Variants in CFAP20DC observed in about 807,000 individuals in gnomAD.
The protein encoded by CFAP20DC is protein CFAP20DC.
Under a neutral mutation model 101.7 loss-of-function variants are expected in CFAP20DC, and 84 were observed. The ratio of observed to expected loss-of-function variants is 0.83; its 90% CI spans 0.69 to 0.99. CFAP20DC has a LOEUF of 0.99. Ranked by LOEUF, CFAP20DC falls within the 50% of genes least tolerant of loss-of-function variation. CFAP20DC has a pLI of 0.00. For synonymous variants in CFAP20DC, 359 were observed against 351.2 expected (o/e 1.02, Z -0.25); for missense variants, 1,007 against 970.3 (o/e 1.04, Z -0.50).
intron 6 of CFAP20DC, among the ~76,000 whole-genome samples, chr3:58,890,233 T>C (rs1324466219): frequency 1.4e-5 from 2 of 144,834 alleles, no homozygotes; most frequent in African/African-American, 5.2e-5. Context: ...GCAGAGGGGC[T>C]CTTCACTTCC....
chr3:58,827,059 T>C (rs554973082), intron 14 of CFAP20DC, among the ~76,000 whole-genome samples: 2 of 152,166 alleles, frequency 1.3e-5, no homozygotes, highest in South Asian at 2.1e-4. Context: ...ACTATACCTT[T>C]GTCTAAATCC....
At chr3:58,827,268 A>C (rs1274845175) in intron 14 of CFAP20DC, among the ~76,000 whole-genome samples, 2 of 152,056 alleles carry the variant, frequency 1.3e-5, no homozygotes, top group Non-Finnish European at 2.9e-5. Flanking sequence ...AAAAACCAAA[A>C]CAGAAATTAA....
chr3:58,741,745 C>T (rs931223519), downstream of CFAP20DC, among the ~76,000 whole-genome samples: 1 of 152,018 alleles, frequency 6.6e-6, no homozygotes, highest in Admixed American at 6.6e-5. Context: ...ATTCACCCAC[C>T]TCTGCCTCCC....
At chr3:58,748,350 G>C (rs1333556206) in intron 16 of CFAP20DC, among the ~76,000 whole-genome samples, 1 of 152,126 alleles carries the variant, frequency 6.6e-6, no homozygotes, top group Non-Finnish European at 1.5e-5. Flanking sequence ...CCAGCCTTCT[G>C]GGTTGCACGT....
At position 58,868,408 on chromosome 3, in the gene CFAP20DC, T is replaced by A. The variant is rs1342368246; in HGVS notation, c.1016-472A>T. Among the ~76,000 whole-genome samples the A allele has an allele frequency of 6.6e-6, 1 of 152,156 alleles. No homozygotes were observed. The highest frequency in any genetic ancestry group is 2.4e-5 in the African/African-American group (1 of 41,444). ...CGATTTAATTTAGCAATAATAATAA[T>A]CATAGCAGCATTTAACATTTCCTGA... On this transcript the variant is annotated intron_variant, in intron 9 of 16. Coordinates refer to ENST00000482387, the MANE Select transcript of CFAP20DC (RefSeq NM_001394063.1). The surrounding 1 kb of genome is among the most constrained non-coding windows in gnomAD (Gnocchi z 4.6).
chr3:58,738,315 C>A (rs1400942034), downstream of CFAP20DC, among the ~76,000 whole-genome samples: 3 of 152,070 alleles, frequency 2.0e-5, no homozygotes, highest in African/African-American at 7.2e-5. The surrounding 1 kb of genome is among the most constrained non-coding windows in gnomAD (Gnocchi z 4.4). Flanking sequence ...CATGCATTGG[C>A]TATTCTTCCT....
At chr3:58,753,371 T>C (rs150576961) in intron 16 of CFAP20DC, among the ~76,000 whole-genome samples, 2,286 of 152,296 alleles carry the variant, frequency 0.015, 30 homozygotes, top group Non-Finnish European at 0.022. Context: ...CAGCACCTCA[T>C]TGAATCTTCA....
At chr3:58,942,479 A>ACTCC (rs1201611858) in intron 4 of CFAP20DC, among the ~76,000 whole-genome samples, 1 of 151,286 alleles carries the variant, frequency 6.6e-6, no homozygotes, top group African/African-American at 2.4e-5. Flanking sequence ...GTGTCAGGGA[A>ACTCC]CTCCCTCCCC....
intron 4 of CFAP20DC, among the ~76,000 whole-genome samples, chr3:59,005,725 A>T (rs113090781): frequency 3.3e-5 from 5 of 152,198 alleles, no homozygotes; most frequent in Non-Finnish European, 7.4e-5. Flanking sequence ...TCAATATATT[A>T]ATGTAATTAA....
rs145311280 is a variant in CFAP20DC at position 59,015,304 on chromosome 3, A to C, written c.278+24253T>G. Among the ~76,000 whole-genome samples the C allele has an allele frequency of 6.1e-4, 93 of 152,132 alleles. No homozygotes were observed. Among genetic ancestry groups the C allele is most frequent in the Non-Finnish European group, 1.0e-3 (71 of 67,984 alleles). ...ACTCCCACAGGAGTAGAAGTGAGAG[A>C]AGGAAGAGAAGCAGCTGGAGAGTGA... is the stretch of plus-strand genomic sequence containing the variant. On this transcript the variant is annotated intron_variant, in intron 4 of 16. Coordinates refer to ENST00000482387, the MANE Select transcript of CFAP20DC (RefSeq NM_001394063.1). This position sits in a 1 kb window ranked among gnomAD's most constrained non-coding sequence, Gnocchi z 5.4.
intron 5 of CFAP20DC, among the ~76,000 whole-genome samples, chr3:58,915,992 A>AT (rs1446868092): frequency 2.0e-5 from 3 of 151,470 alleles, no homozygotes; most frequent in Non-Finnish European, 4.4e-5. Context: ...ATTTGCTCTC[A>AT]TTTTTTCCCT....
chr3:58,866,757 T>C, intron 10 of CFAP20DC, 69 bp from the exon 11 acceptor site: 2 of 1,026,014 alleles, frequency 1.9e-6, no homozygotes, highest in Admixed American at 2.1e-5. Context: ...TTTAGAAGAA[T>C]GGTTTACTTT....
chr3:58,802,909 A>G (rs2073813183), intron 15 of CFAP20DC, among the ~76,000 whole-genome samples: 1 of 152,098 alleles, frequency 6.6e-6, no homozygotes, highest in South Asian at 2.1e-4. Context: ...GTCTTTCCAG[A>G]ATAAAATGTG....
rs57865077 is a variant in CFAP20DC, at chr3:58,946,113, ATT to A, written c.279-8353_279-8352del. ...TTTTACTGGTTTCTCAACTGCCCCA[ATT>A]TTTTTTTTTTTTTTTTTTTGAGATG... On this transcript the variant is annotated intron_variant, in intron 4 of 16. Transcript: ENST00000482387. 1.1e-3 allele frequency among the ~76,000 whole-genome samples: 130 copies of A among 123,790 alleles called. 1 individual carries two copies. Among genetic ancestry groups the A allele is most frequent in the African/African-American group, 3.8e-3 (114 of 30,192 alleles). 81.2% of individuals were successfully genotyped at this position (123,790 alleles called of 152,430 possible).
chr3:58,930,658 T>C (rs1176906432), intron 5 of CFAP20DC, among the ~76,000 whole-genome samples: 1 of 152,220 alleles, frequency 6.6e-6, no homozygotes, highest in African/African-American at 2.4e-5. Flanking sequence ...AGTACCCAGT[T>C]AGACCTCAAA....
At chr3:58,895,849 T>G (rs1189574515) in intron 6 of CFAP20DC, among the ~76,000 whole-genome samples, 2 of 152,198 alleles carry the variant, frequency 1.3e-5, no homozygotes, top group African/African-American at 4.8e-5. Context: ...AAGTCACATC[T>G]TACATGGATG....
intron 5 of CFAP20DC, among the ~76,000 whole-genome samples, chr3:58,931,497 T>C (rs1006983433): frequency 6.6e-5 from 10 of 152,136 alleles, no homozygotes; most frequent in African/African-American, 2.2e-4. Context: ...CCCTGACCCC[T>C]GAGCAGCCTA....
Position 59,046,296 on chromosome 3 carries a change from A to G in CFAP20DC, c.138T>C (p.Phe46=), listed in dbSNP as rs956077689. 1 of 1,530,730 alleles carries G rather than the reference A, an allele frequency of 6.5e-7. No individual in the cohort carries two copies. Among genetic ancestry groups the G allele is most frequent in the Middle Eastern group, 1.7e-4 (1 of 5,978 alleles). 94.8% of individuals were successfully genotyped at this position (1,530,730 alleles called of 1,614,324 possible). A position where few individuals can be genotyped will look rare whatever the true frequency, so the allele number is the denominator to read the frequency against. ...GGCTGCTGCCTTCCAGGACAAACAC[A>G]AAACTTTTAACTTCTTTATCAAACT... The part of the protein sequence containing the change: ...WKEFDKEVKS[F]VFVLEGSSQT... Residue 46 remains phenylalanine (F), a synonymous_variant, in exon 3 of 17, where the codon TTT becomes TTC. Transcript: ENST00000482387.
At chr3:59,030,588 G>A (rs1228755781) in intron 4 of CFAP20DC, among the ~76,000 whole-genome samples, 1 of 152,128 alleles carries the variant, frequency 6.6e-6, no homozygotes, top group Non-Finnish European at 1.5e-5. Context: ...ATGTAGATAA[G>A]AGAACAAGGT....
Sources: allele counts gnomAD v4.1 joint callset (sites outside exome capture counted in the v4.1 genomes callset), GRCh38; gene constraint gnomAD v4.1.1; non-coding constraint Gnocchi (gnomAD v3.1); transcripts MANE v1.5; gene names NCBI Gene and HGNC (gene_info 2026-07-23, HGNC 2026-07-21).